Variants in DNAH1 observed in about 807,000 individuals in gnomAD.
DNAH1 encodes the protein dynein axonemal heavy chain 1, also known as axonemal beta dynein heavy chain 1.
DNAH1 carries 327 observed loss-of-function variants against 484.3 expected under a neutral mutation model. The ratio of observed to expected loss-of-function variants is 0.68; its 90% CI spans 0.62 to 0.74. The LOEUF (loss-of-function observed/expected upper bound fraction) is 0.74. Ranked by LOEUF, DNAH1 falls within the 30% of genes least tolerant of loss-of-function variation. DNAH1 has a pLI of 0.00. For synonymous variants in DNAH1, 2,192 were observed against 2,191.9 expected (o/e 1.00, Z 0.00); for missense variants, 5,052 against 5,546.8 (o/e 0.91, Z 2.83).
At position 52,373,009 on chromosome 3, in the gene DNAH1, G is replaced by T. The variant is rs759815756; in HGVS notation, c.6941G>T (p.Arg2314Leu). The change falls in exon 44 of 78, where the codon CGC becomes CTC. Residue 2314 changes from arginine to leucine, a missense_variant. Coordinates refer to ENST00000420323, the MANE Select transcript of DNAH1 (RefSeq NM_015512.5). ...GCACAGCCACCCATCGAGCTGTTGC[G>T]CCAGTGGATGGACCACGGCGGCTGG... Reference protein sequence around the residue: ...YGAQPPIELLRQWMDHGGWYD... With the variant: ...YGAQPPIELLLQWMDHGGWYD... 1.2e-6 allele frequency: 2 copies of T among 1,613,512 alleles called. No homozygotes were observed. The highest frequency in any genetic ancestry group is 1.7e-6 in the Non-Finnish European group (2 of 1,179,834).
At position 52,389,516 on chromosome 3, in the gene DNAH1, A is replaced by G. The variant is rs765916718; in HGVS notation, c.9551A>G (p.Asn3184Ser). ...TGGGTCAAGCAGCTCAGGAGCCACA[A>G]TGTCCCACACACCTCCGAGCCCACG... ...DSWVKQLRSH[N>S]VPHTSEPTLI... is the part of the protein sequence containing the mutation. Residue 3184 changes from asparagine to serine, a missense_variant, in exon 60 of 78, where the codon AAT becomes AGT. Physicochemically the swap from Asn to Ser is conservative, Grantham distance 46. Coordinates refer to ENST00000420323, the MANE Select transcript of DNAH1 (RefSeq NM_015512.5). The G allele has an allele frequency of 2.4e-5, 38 of 1,597,474 alleles. No individual in the cohort carries two copies. Among genetic ancestry groups the G allele is most frequent in the Non-Finnish European group, 3.1e-5 (36 of 1,172,574 alleles).
At chr3:52,373,875 A>T (rs1191147184) in intron 44 of DNAH1, 4 of 1,399,014 alleles carry the variant, frequency 2.9e-6, no homozygotes, top group Non-Finnish European at 4.1e-6. Context: ...CATGTTTCGA[A>T]TATTACCACC....
In DNAH1 at chr3:52,383,367, C is replaced by G. The variant is rs754232054; in HGVS notation, c.7942-19C>G. The stretch of plus-strand genomic sequence containing the variant: ...CAACATGCAGGGGCTTAGCTCCCCA[C>G]TCCTTCACCCCTCCCCAGATCAAGA... On this transcript the variant is annotated intron_variant, in intron 50 of 77. Coordinates refer to ENST00000420323, the MANE Select transcript of DNAH1 (RefSeq NM_015512.5). 1 of 1,611,042 alleles carries G rather than the reference C, an allele frequency of 6.2e-7. No homozygotes were observed. The highest frequency in any genetic ancestry group is 8.5e-7 in the Non-Finnish European group (1 of 1,177,766).
At chr3:52,323,701 G>A in intron 2 of DNAH1, 107 bp from the exon 3 acceptor site, 1 of 728,764 alleles carries the variant, frequency 1.4e-6, no homozygotes, top group Non-Finnish European at 2.3e-6. Context: ...CTCCTGGAGT[G>A]CTCCCTGGTG....
Position 52,388,343 on chromosome 3 carries a change from T to C in DNAH1, c.9171+9T>C, listed in dbSNP as rs777700681. ...CCGTGGAGCCCAAGCGGGTGAGGGC[T>C]GAGTGGAGCTGGTGGGGGAGGGCTC... On this transcript the variant is annotated intron_variant, in intron 57 of 77. Coordinates refer to ENST00000420323, the MANE Select transcript of DNAH1 (RefSeq NM_015512.5). 1 of 1,601,380 alleles carries C rather than the reference T, an allele frequency of 6.2e-7. No homozygotes were observed. Among genetic ancestry groups the C allele is most frequent in the Non-Finnish European group, 8.5e-7 (1 of 1,173,772 alleles).
At chr3:52,386,366 T>G in intron 55 of DNAH1, 21 bp downstream of exon 55, 1 of 1,542,720 alleles carries the variant, frequency 6.5e-7, no homozygotes. Context: ...GGGCATCTCC[T>G]GGCATTCCCT....
chr3:52,352,197 G>A, intron 17 of DNAH1, 94 bp downstream of exon 17: 7 of 1,482,886 alleles, frequency 4.7e-6, no homozygotes, highest in Non-Finnish European at 6.4e-6. Context: ...GCATTCAGGA[G>A]GTGCTGAGTC....
At chr3:52,323,041 G>A (rs567593046) in intron 2 of DNAH1, among the ~76,000 whole-genome samples, 1 of 152,322 alleles carries the variant, frequency 6.6e-6, no homozygotes, top group Admixed American at 6.5e-5. Context: ...TGGAGCCCTG[G>A]AGATGCAGCA....
At chr3:52,399,512 A>G (rs376785339) in intron 76 of DNAH1, 33 bp from the exon 77 acceptor site, 17 of 1,551,030 alleles carry the variant, frequency 1.1e-5, no homozygotes, top group Non-Finnish European at 1.5e-5. Flanking sequence ...GGGTATTGTT[A>G]TGTGTGTGGG....
chr3:52,330,718 T>C (rs1701513195), intron 6 of DNAH1, among the ~76,000 whole-genome samples: 1 of 152,192 alleles, frequency 6.6e-6, no homozygotes, highest in Admixed American at 6.5e-5. Flanking sequence ...GCCCAGGGAC[T>C]GAGCAGCCAG....
Position 52,362,517 on chromosome 3 carries a change from G to T in DNAH1, c.5094+16G>T, listed in dbSNP as rs778069005. ...CAATCTGAAGGCAAGTGCAGGCCCAGAGTGGCCCAGGAAGCACCAGAGCTC... is the reference window on the plus strand; with the variant it reads ...CAATCTGAAGGCAAGTGCAGGCCCATAGTGGCCCAGGAAGCACCAGAGCTC... On this transcript the variant is annotated intron_variant, in intron 31 of 77. Transcript: ENST00000420323. This position sits in a 1 kb window ranked among gnomAD's most constrained non-coding sequence, Gnocchi z 5.1. 6.2e-7 allele frequency: 1 copy of T among 1,607,148 alleles called. No homozygotes were observed. Among genetic ancestry groups the T allele is most frequent in the South Asian group, 1.1e-5 (1 of 90,116 alleles).
In DNAH1 at chr3:52,349,131, T is replaced by C. The variant is rs1039099527; in HGVS notation, c.2300+50T>C. ...CGGAGGGTGTCTGTGTGTTTGTGCA[T>C]GTGTATCCCCTGCCCACCCTGCTCA... On this transcript the variant is annotated intron_variant, in intron 13 of 77. Transcript: ENST00000420323. 18 of 1,612,326 alleles carry C rather than the reference T, an allele frequency of 1.1e-5. No individual in the cohort carries two copies. The East Asian group carries it at 3.6e-4, about 32-fold the overall frequency.
chr3:52,357,904 C>A lies in DNAH1; in HGVS notation c.3987C>A (p.Tyr1329Ter). The A allele has an allele frequency of 6.2e-7, 1 of 1,612,714 alleles. No individual in the cohort carries two copies. The highest frequency in any genetic ancestry group is 8.5e-7 in the Non-Finnish European group (1 of 1,179,512). Residue 1329 changes from tyrosine (Y) to a stop codon, truncating the protein, a stop_gained, in exon 24 of 78, where the codon TAC becomes TAA. Coordinates refer to ENST00000420323, the MANE Select transcript of DNAH1 (RefSeq NM_015512.5). LOFTEE classifies it high-confidence loss of function. Reference sequence around the variant, plus strand: ...ACCCCTGTTCCCCTGGCAGATTCTACTTCCTGTCAGATGATGAACTACTAG... The same window carrying A: ...ACCCCTGTTCCCCTGGCAGATTCTAATTCCTGTCAGATGATGAACTACTAG... ...ETKRSAFPRF[Y>*]FLSDDELLEI...
At chr3:52,338,615 G>A (rs1035632843) in intron 8 of DNAH1, among the ~76,000 whole-genome samples, 12 of 152,126 alleles carry the variant, frequency 7.9e-5, no homozygotes, top group African/African-American at 2.4e-4. Context: ...GTTCTCACAC[G>A]TTTAAAACGT....
At chr3:52,398,716 C>A in intron 75 of DNAH1, 134 bp from the exon 76 acceptor site, 1 of 724,944 alleles carries the variant, frequency 1.4e-6, no homozygotes, top group Non-Finnish European at 2.1e-6. Context: ...GTACCCAGGC[C>A]ACCTGACCCA....
intron 8 of DNAH1, among the ~76,000 whole-genome samples, chr3:52,335,207 C>T (rs1426966054): frequency 7.3e-6 from 1 of 136,206 alleles, no homozygotes; most frequent in Non-Finnish European, 1.5e-5. Flanking sequence ...AGGTGCCTGC[C>T]ACCACACCCA....
In DNAH1 at chr3:52,383,403, C is replaced by T; in HGVS notation, c.7959C>T (p.Phe2653=). ...CTCCCCAGATCAAGAACGAATCCTT[C>T]CTGGAAGATATCAACAACGTCCTAA... ...FSDTQIKNES[F]LEDINNVLNS... Residue 2653 remains phenylalanine, a synonymous_variant, in exon 51 of 78, where the codon TTC becomes TTT. Coordinates refer to ENST00000420323, the MANE Select transcript of DNAH1 (RefSeq NM_015512.5). The T allele has an allele frequency of 6.2e-7, 1 of 1,613,888 alleles. No individual in the cohort carries two copies. The highest frequency in any genetic ancestry group is 8.5e-7 in the Non-Finnish European group (1 of 1,179,824).
intron 12 of DNAH1, among the ~76,000 whole-genome samples, chr3:52,348,546 T>C (rs1046442429): frequency 6.6e-6 from 1 of 152,228 alleles, no homozygotes; most frequent in African/African-American, 2.4e-5. Context: ...TCTTGTCGCC[T>C]TTGCTGGTCA....
chr3:52,395,740 G>T lies in DNAH1; in HGVS notation c.11259+62G>T, dbSNP rs1351568302. ...GCCTCTGCATCCATCAGGGACTAAT[G>T]AGGCAGAAATAAGAGAATCATGCCA... On this transcript the variant is annotated intron_variant, in intron 70 of 77. Transcript: ENST00000420323. The surrounding 1 kb of genome is among the most constrained non-coding windows in gnomAD (Gnocchi z 4.4). 12 of 1,563,676 alleles carry T rather than the reference G, an allele frequency of 7.7e-6. No individual in the cohort carries two copies. The highest frequency in any genetic ancestry group is 1.0e-5 in the Non-Finnish European group (12 of 1,151,258).
Sources: allele counts gnomAD v4.1 joint callset (sites outside exome capture counted in the v4.1 genomes callset), GRCh38; gene constraint gnomAD v4.1.1; non-coding constraint Gnocchi (gnomAD v3.1); transcripts MANE v1.5; gene names NCBI Gene and HGNC (gene_info 2026-07-23, HGNC 2026-07-21).